The following PUS10 variants were observed in gnomAD, a reference collection of about 807,000 sequenced individuals.
PUS10 encodes tRNA pseudouridine synthase Pus10.
PUS10 carries 59 observed loss-of-function variants against 75.0 expected under a neutral mutation model. The observed-to-expected ratio is 0.79, with a 90% CI of 0.64 to 0.98. The LOEUF (loss-of-function observed/expected upper bound fraction) is 0.98. PUS10 is among the 50% of genes least tolerant of loss of function. The pLI is 0.00. For missense variants in PUS10, 650 were observed against 614.4 expected, an observed-to-expected ratio of 1.06 and a Z score of -0.61; for synonymous variants, 219 against 211.6, an observed-to-expected ratio of 1.03 and a Z score of -0.30.
intron 3 of PUS10, among the ~76,000 whole-genome samples, chr2:61,007,970 G>A (rs1328487380): frequency 2.7e-5 from 4 of 149,484 alleles, no homozygotes; most frequent in African/African-American, 7.4e-5. Flanking sequence ...CCAGCTACTC[G>A]GGAGGCTGAG....
intron 8 of PUS10, among the ~76,000 whole-genome samples, chr2:60,963,179 C>T (rs1237495643): frequency 6.6e-6 from 1 of 152,214 alleles, no homozygotes; most frequent in Non-Finnish European, 1.5e-5. Context: ...TCCCACTTCT[C>T]TCAAATTATG....
chr2:60,965,175 T>C, intron 7 of PUS10, 72 bp from the exon 8 acceptor site: 1 of 1,431,722 alleles, frequency 7.0e-7, no homozygotes, highest in Non-Finnish European at 9.8e-7. Flanking sequence ...CAAATATATT[T>C]CATACAAAAT....
chr2:60,959,685 G>A (rs929236322), intron 11 of PUS10, among the ~76,000 whole-genome samples: 2 of 152,080 alleles, frequency 1.3e-5, no homozygotes, highest in Non-Finnish European at 2.9e-5. Flanking sequence ...CACTGCACTC[G>A]GCAGAGCAAT....
Position 60,954,291 on chromosome 2 carries a change from T to A in PUS10, c.1058-133A>T, listed in dbSNP as rs1387534621. 10 of 725,416 alleles carry A rather than the reference T, an allele frequency of 1.4e-5. No homozygotes were observed. The East Asian group carries it at 2.7e-4, about 20-fold the overall frequency. 44.9% of individuals were successfully genotyped at this position (725,416 alleles called of 1,614,324 possible). On this transcript the variant is annotated intron_variant, in intron 12 of 17. Coordinates refer to ENST00000316752, the MANE Select transcript of PUS10 (RefSeq NM_144709.4). Reference sequence around the variant, plus strand: ...CTGAAAGTTTAGTGACATGACTACATCTGAGGGAGGGAAGAATGTGTGAGA... The same window carrying A: ...CTGAAAGTTTAGTGACATGACTACAACTGAGGGAGGGAAGAATGTGTGAGA...
chr2:61,012,669 C>CAAA, intron 1 of PUS10, among the ~76,000 whole-genome samples: 1 of 117,794 alleles, frequency 8.5e-6, no homozygotes, highest in Non-Finnish European at 1.8e-5. Context: ...ACTAAAAATA[C>CAAA]AAAAAAAAAA....
chr2:60,977,572 T>G (rs1677111961), intron 4 of PUS10, among the ~76,000 whole-genome samples: 1 of 152,248 alleles, frequency 6.6e-6, no homozygotes, highest in African/African-American at 2.4e-5. Context: ...GTTTTTCTTG[T>G]GTGGTAGTTT....
chr2:60,962,700 A>G (rs991892286), intron 9 of PUS10, 126 bp downstream of exon 9: 76 of 1,414,140 alleles, frequency 5.4e-5, no homozygotes, highest in Non-Finnish European at 6.8e-5. Context: ...AGAGATAACA[A>G]TGACTAAGAC....
chr2:60,987,305 GTCCCTGGACCTTAAT>G (rs1192890896), intron 4 of PUS10, among the ~76,000 whole-genome samples: 2 of 152,194 alleles, frequency 1.3e-5, no homozygotes, highest in African/African-American at 4.8e-5. Context: ...AAAGGCAGGG[GTCCCTGGACCTTAAT>G]TCCTGTCCAA....
Position 60,985,974 on chromosome 2 carries a change from T to C in PUS10, c.469-14417A>G, listed in dbSNP as rs1057123242. ...AAAAAAAAAAAAAAGTTACTTCTACTTTTGCATCAGGGAAATCAAAGGAAA... is the reference window on the plus strand; with the variant it reads ...AAAAAAAAAAAAAAGTTACTTCTACCTTTGCATCAGGGAAATCAAAGGAAA... On this transcript the variant is annotated intron_variant, in intron 4 of 17. Coordinates refer to ENST00000316752, the MANE Select transcript of PUS10 (RefSeq NM_144709.4). Among the ~76,000 whole-genome samples, 16 of 151,766 alleles carry C rather than the reference T, an allele frequency of 1.1e-4. No homozygotes were observed. The East Asian group carries it at 2.1e-3, about 20-fold the overall frequency.
Position 60,942,247 on chromosome 2 carries a change from C to T in PUS10, c.*148G>A. ...CACATATATAGATCCTGAGATGTTA[C>T]AACAAATTAACAATTATATAGATCA... On this transcript the variant is annotated 3_prime_UTR_variant, in exon 18 of 18. Coordinates refer to ENST00000316752, the MANE Select transcript of PUS10 (RefSeq NM_144709.4). 1.4e-6 allele frequency: 1 copy of T among 690,798 alleles called. No homozygotes were observed. The highest frequency in any genetic ancestry group is 1.8e-5 in the South Asian group (1 of 54,156). 42.8% of individuals were successfully genotyped at this position (690,798 alleles called of 1,614,324 possible).
chr2:60,965,026 C>A, intron 8 of PUS10, 32 bp downstream of exon 8: 1 of 1,607,228 alleles, frequency 6.2e-7, no homozygotes, highest in Non-Finnish European at 8.5e-7. Context: ...ACAAAACTCA[C>A]TCAAGACTAA....
intron 3 of PUS10, among the ~76,000 whole-genome samples, chr2:61,007,463 A>G (rs541170032): frequency 3.9e-5 from 6 of 152,058 alleles, no homozygotes; most frequent in African/African-American, 1.4e-4. Flanking sequence ...CCTGTCTCAA[A>G]AAAGACAAAA....
intron 5 of PUS10, among the ~76,000 whole-genome samples, chr2:60,968,038 T>C (rs28546600): frequency 6.6e-6 from 1 of 152,124 alleles, no homozygotes; most frequent in African/African-American, 2.4e-5. Context: ...TTGTTGAAAA[T>C]GGGGCTTACT....
Position 61,005,566 on chromosome 2 carries a change from G to A in PUS10, c.468+991C>T, listed in dbSNP as rs578170890. 7.2e-5 allele frequency among the ~76,000 whole-genome samples: 11 copies of A among 152,180 alleles called. No individual in the cohort carries two copies. In the South Asian group the frequency reaches 2.1e-3, roughly 29 times the overall value. On this transcript the variant is annotated intron_variant, in intron 4 of 17. Transcript: ENST00000316752. Reference sequence around the variant, plus strand: ...CTAAAGTGACAGTCACTCAGCTTTCGGAAGTCTGTTTCTCTCTACCAAAAT... The same window carrying A: ...CTAAAGTGACAGTCACTCAGCTTTCAGAAGTCTGTTTCTCTCTACCAAAAT...
chr2:61,004,473 C>T (rs763679049), intron 4 of PUS10, among the ~76,000 whole-genome samples: 1 of 151,628 alleles, frequency 6.6e-6, no homozygotes, highest in Non-Finnish European at 1.5e-5. Flanking sequence ...CTAAAAACTA[C>T]AAAAAATTAG....
At chr2:60,995,420 T>C (rs1290820980) in intron 4 of PUS10, among the ~76,000 whole-genome samples, 1 of 152,224 alleles carries the variant, frequency 6.6e-6, no homozygotes, top group African/African-American at 2.4e-5. Flanking sequence ...ATATATTTGT[T>C]ATTATTATGA....
At chr2:60,953,439 C>T (rs1320663176) in intron 14 of PUS10, among the ~76,000 whole-genome samples, 2 of 152,346 alleles carry the variant, frequency 1.3e-5, no homozygotes, top group East Asian at 3.9e-4. Context: ...TGAAATCATA[C>T]AGTACGTGGT....
At chr2:60,978,894 G>A (rs779236647) in intron 4 of PUS10, among the ~76,000 whole-genome samples, 2 of 152,222 alleles carry the variant, frequency 1.3e-5, no homozygotes, top group Non-Finnish European at 2.9e-5. Flanking sequence ...GGCAGGACTT[G>A]CTGATTGGCA....
intron 4 of PUS10, among the ~76,000 whole-genome samples, chr2:60,979,971 A>G (rs1217022004): frequency 2.0e-5 from 3 of 152,228 alleles, no homozygotes; most frequent in African/African-American, 7.2e-5. Flanking sequence ...TGCATCTTCC[A>G]ACACTGTAGG....
Sources: allele counts gnomAD v4.1 joint callset (sites outside exome capture counted in the v4.1 genomes callset), GRCh38; gene constraint gnomAD v4.1.1; transcripts MANE v1.5; gene names NCBI Gene and HGNC (gene_info 2026-07-23, HGNC 2026-07-21).